The following SYT1 variants were observed in gnomAD, a reference collection of about 807,000 sequenced individuals.
SYT1 encodes synaptotagmin 1, also known as synaptotagmin-1.
SYT1 carries 8 observed loss-of-function variants against 44.8 expected under a neutral mutation model. The observed-to-expected ratio is 0.18, with a 90% CI of 0.10 to 0.32. The LOEUF (loss-of-function observed/expected upper bound fraction) is 0.32, where lower values mean the gene tolerates loss of function less well. SYT1 is among the 10% of genes least tolerant of loss of function. SYT1 has a pLI of 1.00. For missense variants in SYT1, 286 were observed against 509.3 expected, an observed-to-expected ratio of 0.56 and a Z score of 4.22; for synonymous variants, 154 against 188.8, an observed-to-expected ratio of 0.82 and a Z score of 1.51.
At chr12:79,169,419 G>C (rs138881473) in intron 3 of SYT1, among the ~76,000 whole-genome samples, 95 of 151,968 alleles carry the variant, frequency 6.3e-4, no homozygotes, top group African/African-American at 2.2e-3. Flanking sequence ...CTTAGGCAGG[G>C]AAAAAAGAAA....
rs571240325 is a variant in SYT1 at position 79,353,089 on chromosome 12, C to T, written c.811-413C>T. Among the ~76,000 whole-genome samples, 23 of 152,150 alleles carry T rather than the reference C, an allele frequency of 1.5e-4. 1 individual carries two copies. The East Asian group carries it at 4.2e-3, about 28-fold the overall frequency. On this transcript the variant is annotated intron_variant, in intron 8 of 10. Coordinates refer to ENST00000261205, the MANE Select transcript of SYT1 (RefSeq NM_005639.3). ...TAATCCTATTTGAAATGTAAAAGGA[C>T]AAAAATTTAGGTCGATTGATTCAAC... is the stretch of plus-strand genomic sequence containing the variant.
chr12:78,913,443 C>A (rs932059261), intron 1 of SYT1, among the ~76,000 whole-genome samples: 2 of 151,352 alleles, frequency 1.3e-5, no homozygotes, highest in African/African-American at 4.8e-5. Context: ...AGTTAAGGAA[C>A]TTTATATATT....
At chr12:78,978,255 C>T (rs1429344796) in intron 2 of SYT1, among the ~76,000 whole-genome samples, 1 of 152,158 alleles carries the variant, frequency 6.6e-6, no homozygotes, top group Non-Finnish European at 1.5e-5. Flanking sequence ...GGTTCATTAT[C>T]TGTAGATGAT....
intron 1 of SYT1, among the ~76,000 whole-genome samples, chr12:78,955,158 A>T (rs1026730469): frequency 6.6e-6 from 1 of 152,100 alleles, no homozygotes; most frequent in African/African-American, 2.4e-5. Context: ...ACGGTTAAAC[A>T]GAGTTTCTAA....
chr12:79,131,807 A>G (rs2138180054), intron 3 of SYT1, among the ~76,000 whole-genome samples: 1 of 152,316 alleles, frequency 6.6e-6, no homozygotes, highest in East Asian at 1.9e-4. Flanking sequence ...CACTTTGAAC[A>G]GCCCATTTTA....
chr12:79,412,567 G>A (rs11114109), intron 9 of SYT1, among the ~76,000 whole-genome samples: 18,633 of 151,968 alleles, frequency 0.12, 1,186 homozygotes, highest in Non-Finnish European at 0.14. Context: ...GGTGGGGGAC[G>A]GGACGATGGT....
chr12:78,981,134 T>G lies in SYT1; in HGVS notation c.-84+3203T>G, dbSNP rs545034989. Among the ~76,000 whole-genome samples the G allele has an allele frequency of 9.4e-5, 14 of 149,254 alleles. 1 individual carries two copies. The South Asian group carries it at 1.7e-3, about 18-fold the overall frequency. ...TTTTGTTTGTTTCTTTGTTTTTTTT[T>G]TTTTTTTTTTGAGACGGAGTTTTGC... is the stretch of plus-strand genomic sequence containing the variant. On this transcript the variant is annotated intron_variant, in intron 2 of 10. Transcript: ENST00000261205.
intron 8 of SYT1, among the ~76,000 whole-genome samples, chr12:79,318,093 A>C (rs529019798): frequency 6.6e-6 from 1 of 152,324 alleles, no homozygotes; most frequent in African/African-American, 2.4e-5. Flanking sequence ...TATGGCACTG[A>C]CCATTCTCCT....
chr12:79,337,178 T>C (rs1882129919), intron 8 of SYT1, among the ~76,000 whole-genome samples: 1 of 152,124 alleles, frequency 6.6e-6, no homozygotes, highest in South Asian at 2.1e-4. Flanking sequence ...AAAGAAGATA[T>C]TATTTATCCA....
chr12:79,156,926 C>A (rs2138286527), intron 3 of SYT1, among the ~76,000 whole-genome samples: 1 of 152,238 alleles, frequency 6.6e-6, no homozygotes, highest in African/African-American at 2.4e-5. Flanking sequence ...TCCAGGTCAC[C>A]TTTCCCCTCA....
intron 1 of SYT1, among the ~76,000 whole-genome samples, chr12:78,905,959 G>A (rs192562290): frequency 4.4e-4 from 67 of 151,950 alleles, no homozygotes; most frequent in African/African-American, 1.4e-3. Flanking sequence ...TCCCTTCACC[G>A]AAGTAACATC....
intron 7 of SYT1, among the ~76,000 whole-genome samples, chr12:79,296,836 C>T (rs1251800517): frequency 6.6e-6 from 1 of 152,116 alleles, no homozygotes; most frequent in Non-Finnish European, 1.5e-5. Context: ...AGATTCCAGC[C>T]ATATAATATC....
intron 2 of SYT1, among the ~76,000 whole-genome samples, chr12:79,037,489 G>A (rs1160088662): frequency 6.6e-6 from 1 of 151,726 alleles, no homozygotes; most frequent in African/African-American, 2.4e-5. Flanking sequence ...GAAAAAATGA[G>A]TAGTTCTTTC....
At chr12:79,083,845 G>A (rs1877201846) in intron 3 of SYT1, among the ~76,000 whole-genome samples, 3 of 152,102 alleles carry the variant, frequency 2.0e-5, no homozygotes, top group Admixed American at 2.0e-4. Context: ...GAACACTGAT[G>A]CAAAGATGTC....
chr12:79,439,474 G>A (rs1262222398), intron 9 of SYT1, among the ~76,000 whole-genome samples: 1 of 152,010 alleles, frequency 6.6e-6, no homozygotes, highest in Non-Finnish European at 1.5e-5. Context: ...ATTGGTACTG[G>A]GATAGCTTGG....
chr12:78,948,158 A>G (rs557578258), intron 1 of SYT1, among the ~76,000 whole-genome samples: 1 of 151,898 alleles, frequency 6.6e-6, no homozygotes, highest in Non-Finnish European at 1.5e-5. Flanking sequence ...CAATATTACT[A>G]TAACTCAGTA....
intron 4 of SYT1, among the ~76,000 whole-genome samples, chr12:79,222,387 C>CTTTTTTCT (rs1412091749): frequency 1.3e-5 from 2 of 149,140 alleles, no homozygotes; most frequent in African/African-American, 5.0e-5. Context: ...CTTTTTTTTT[C>CTTTTTTCT]TTTTTTCTTT....
At chr12:79,410,307 T>C (rs1036279302) in intron 9 of SYT1, among the ~76,000 whole-genome samples, 1 of 152,092 alleles carries the variant, frequency 6.6e-6, no homozygotes, top group Non-Finnish European at 1.5e-5. Context: ...CATCTATTGA[T>C]TGTGTTGGAG....
chr12:79,258,182 A>T (rs939449679), intron 4 of SYT1, among the ~76,000 whole-genome samples: 1 of 152,232 alleles, frequency 6.6e-6, no homozygotes, highest in East Asian at 1.9e-4. Context: ...TATGGATTAC[A>T]CATTTAAGAA....
Sources: allele counts gnomAD v4.1 joint callset (sites outside exome capture counted in the v4.1 genomes callset), GRCh38; gene constraint gnomAD v4.1.1; transcripts MANE v1.5; gene names NCBI Gene and HGNC (gene_info 2026-07-23, HGNC 2026-07-21).